Variants in RBMS3 observed in about 807,000 individuals in gnomAD.
RBMS3 encodes the protein RNA-binding motif, single-stranded-interacting protein 3.
RBMS3 carries 27 observed loss-of-function variants against 66.8 expected under a neutral mutation model. The ratio of observed to expected loss-of-function variants is 0.40; its 90% CI spans 0.30 to 0.56. RBMS3 has a LOEUF of 0.56. RBMS3 is among the 20% of genes least tolerant of loss of function. The probability of loss-of-function intolerance (pLI) is 0.40; values close to 1 mark genes in which losing one functional copy is unlikely to be tolerated. For synonymous variants in RBMS3, 188 were observed against 183.0 expected (o/e 1.03, Z -0.22); for missense variants, 513 against 549.5 (o/e 0.93, Z 0.66).
At chr3:29,659,390 C>A (rs535525089) in intron 4 of RBMS3, among the ~76,000 whole-genome samples, 1 of 152,034 alleles carries the variant, frequency 6.6e-6, no homozygotes, top group Non-Finnish European at 1.5e-5. Context: ...TTCCCTATTC[C>A]CCCATTCCCC....
At chr3:29,513,992 T>C (rs2044514536) in intron 3 of RBMS3, among the ~76,000 whole-genome samples, 1 of 152,186 alleles carries the variant, frequency 6.6e-6, no homozygotes, top group Admixed American at 6.5e-5. Flanking sequence ...CTGCCCTTGC[T>C]TTCTCTACCC....
chr3:29,995,286 G>A (rs1352499612), intron 14 of RBMS3, among the ~76,000 whole-genome samples: 2 of 152,172 alleles, frequency 1.3e-5, no homozygotes, highest in African/African-American at 2.4e-5. Context: ...ATCTACATCT[G>A]ATTGGTGTAC....
intron 5 of RBMS3, among the ~76,000 whole-genome samples, chr3:29,750,476 T>C (rs1329059465): frequency 6.6e-6 from 1 of 152,218 alleles, no homozygotes; most frequent in Non-Finnish European, 1.5e-5. Flanking sequence ...TATCAAGACA[T>C]ATCTGAATTT....
chr3:29,399,546 G>A (rs1442006296), intron 1 of RBMS3, among the ~76,000 whole-genome samples: 7 of 152,148 alleles, frequency 4.6e-5, no homozygotes, highest in Non-Finnish European at 7.4e-5. Flanking sequence ...ATGGCACTTC[G>A]GCTTTGGCCT....
chr3:29,531,332 C>T (rs2045344316), intron 3 of RBMS3, among the ~76,000 whole-genome samples: 1 of 152,138 alleles, frequency 6.6e-6, no homozygotes. Context: ...TTGAGAAGGA[C>T]CGTTGTAGTC....
intron 2 of RBMS3, among the ~76,000 whole-genome samples, chr3:29,439,244 A>G (rs2041519223): frequency 6.6e-6 from 1 of 152,158 alleles, no homozygotes; most frequent in African/African-American, 2.4e-5. Flanking sequence ...AGAACAATGG[A>G]GGAAATCATT....
intron 12 of RBMS3, 104 bp downstream of exon 12, chr3:29,944,358 G>C: frequency 1.0e-6 from 1 of 973,526 alleles, no homozygotes; most frequent in Admixed American, 2.0e-5. Context: ...ACAGAGGTGG[G>C]TGCAGGAAAT....
chr3:29,298,227 CG>C (rs2033421107), intron 1 of RBMS3, among the ~76,000 whole-genome samples: 2 of 151,794 alleles, frequency 1.3e-5, no homozygotes, highest in Non-Finnish European at 2.9e-5. Context: ...ATCCTGTACT[CG>C]AATAATACTC....
intron 6 of RBMS3, among the ~76,000 whole-genome samples, chr3:29,839,934 C>T (rs2058621439): frequency 1.3e-5 from 2 of 151,914 alleles, no homozygotes; most frequent in African/African-American, 4.8e-5. Context: ...AAAATTTTAT[C>T]TATAACATTT....
chr3:29,498,711 C>T (rs570931851), intron 3 of RBMS3, among the ~76,000 whole-genome samples: 4 of 152,292 alleles, frequency 2.6e-5, no homozygotes, highest in South Asian at 4.1e-4. Flanking sequence ...TTCAGAACTA[C>T]ATGGAACCAT....
At chr3:29,971,037 C>T (rs996680036) in intron 12 of RBMS3, among the ~76,000 whole-genome samples, 1 of 152,120 alleles carries the variant, frequency 6.6e-6, no homozygotes, top group Admixed American at 6.6e-5. Context: ...TGCTCCCATT[C>T]CCCGCTTTAT....
intron 4 of RBMS3, among the ~76,000 whole-genome samples, chr3:29,640,455 G>A (rs2049659134): frequency 6.6e-6 from 1 of 151,442 alleles, no homozygotes; most frequent in South Asian, 2.1e-4. Flanking sequence ...CAGAAGATAA[G>A]CGAAGTTTGA....
chr3:29,648,977 G>T (rs2050045491), intron 4 of RBMS3, among the ~76,000 whole-genome samples: 1 of 152,130 alleles, frequency 6.6e-6, no homozygotes, highest in Non-Finnish European at 1.5e-5. Flanking sequence ...CTGTTTTGGG[G>T]ATAAAGAAGG....
chr3:29,293,083 TACTC>T lies in RBMS3; in HGVS notation c.75+11329_75+11332del, dbSNP rs546367772. 3.9e-5 allele frequency among the ~76,000 whole-genome samples: 6 copies of T among 151,982 alleles called. No individual in the cohort carries two copies. The South Asian group carries it at 1.2e-3, about 32-fold the overall frequency. On this transcript the variant is annotated intron_variant, in intron 1 of 14. Coordinates refer to ENST00000383767, the MANE Select transcript of RBMS3 (RefSeq NM_001003793.3). ...AGCATTTGCTTTTGTTGTTTTGACT[TACTC>T]ATCACTAGTTCTCAAGGGAGAACCT...
intron 1 of RBMS3, among the ~76,000 whole-genome samples, chr3:29,420,395 G>A (rs538428149): frequency 6.6e-6 from 1 of 152,188 alleles, no homozygotes; most frequent in South Asian, 2.1e-4. Context: ...TTAGGATGCT[G>A]GGCAGTTGCA....
intron 10 of RBMS3, among the ~76,000 whole-genome samples, chr3:29,927,576 T>G (rs927123790): frequency 6.6e-6 from 1 of 152,196 alleles, no homozygotes; most frequent in Admixed American, 6.5e-5. Context: ...ATAGGAGTTA[T>G]TCCCCAGAAT....
At chr3:29,938,734 T>C (rs540216171) in intron 11 of RBMS3, among the ~76,000 whole-genome samples, 1 of 152,056 alleles carries the variant, frequency 6.6e-6, no homozygotes, top group Non-Finnish European at 1.5e-5. Context: ...TTTTCATTGA[T>C]GGGGAAGGAA....
At chr3:29,678,350 A>G (rs1251251512) in intron 4 of RBMS3, among the ~76,000 whole-genome samples, 17 of 152,300 alleles carry the variant, frequency 1.1e-4, no homozygotes, top group African/African-American at 4.1e-4. Flanking sequence ...TTATATATAT[A>G]TTATTAGGGG....
chr3:29,582,422 CT>C (rs1481593786), intron 3 of RBMS3, among the ~76,000 whole-genome samples: 1 of 152,190 alleles, frequency 6.6e-6, no homozygotes, highest in African/African-American at 2.4e-5. Context: ...CCTTCTCCCC[CT>C]GACAAGGAAG....
Sources: gnomAD v4.1 joint callset for allele counts (sites outside exome capture counted in the v4.1 genomes callset) on GRCh38, gnomAD v4.1.1 for gene constraint, MANE v1.5 for transcripts, NCBI Gene and HGNC (gene_info 2026-07-23, HGNC 2026-07-21) for gene names.